Variants in BANF2 observed in about 807,000 individuals in gnomAD.
BANF2 encodes BANF family member 2, also known as barrier-to-autointegration factor-like protein.
Under a neutral mutation model 8.0 loss-of-function variants are expected in BANF2, and 4 were observed. The observed-to-expected ratio is 0.50, with a 90% CI of 0.25 to 1.14. The LOEUF (loss-of-function observed/expected upper bound fraction) is 1.14. Ranked by LOEUF, BANF2 falls within the 50% of genes most tolerant of loss-of-function variation. The pLI, the probability that BANF2 is intolerant of heterozygous loss-of-function variation, is 0.16. For missense variants in BANF2, 96 were observed against 107.5 expected (o/e 0.89, Z 0.47); for synonymous variants, 50 against 40.6 (o/e 1.23, Z -0.88).
At chr20:17,722,918 T>C in intron 2 of BANF2, 40 bp downstream of exon 2, 3 of 963,244 alleles carry the variant, frequency 3.1e-6, no homozygotes, top group Non-Finnish European at 3.7e-6. Flanking sequence ...GATGGGGCTG[T>C]GAAAGGGAGG....
At chr20:17,721,805 T>A (rs1031598178) in intron 1 of BANF2, among the ~76,000 whole-genome samples, 1 of 152,264 alleles carries the variant, frequency 6.6e-6, no homozygotes, top group Non-Finnish European at 1.5e-5. Context: ...TTTCTTGTTA[T>A]ATGAGATTAG....
At chr20:17,732,355 T>G (rs1010774387) in intron 3 of BANF2, among the ~76,000 whole-genome samples, 20 of 152,190 alleles carry the variant, frequency 1.3e-4, no homozygotes, top group African/African-American at 4.8e-4. Flanking sequence ...ATTCTGCCCT[T>G]GAGCCCCCAT....
chr20:17,707,465 G>A (rs1479993823), intron 1 of BANF2, among the ~76,000 whole-genome samples: 16 of 152,080 alleles, frequency 1.1e-4, no homozygotes, highest in Admixed American at 1.0e-3. Flanking sequence ...TGGAAGTACA[G>A]CAGAGGCAAG....
intron 3 of BANF2, among the ~76,000 whole-genome samples, chr20:17,735,217 A>C (rs1220365215): frequency 1.3e-5 from 2 of 152,202 alleles, no homozygotes; most frequent in African/African-American, 4.8e-5. Context: ...GTGTGTTTCC[A>C]AGAGAAATGC....
intron 3 of BANF2, among the ~76,000 whole-genome samples, chr20:17,730,419 T>C (rs1284948200): frequency 1.3e-5 from 2 of 152,154 alleles, no homozygotes; most frequent in Admixed American, 1.3e-4. Flanking sequence ...CTTACCTCCT[T>C]ACCGGCGAGG....
chr20:17,728,806 G>C (rs1311606416), intron 3 of BANF2, among the ~76,000 whole-genome samples: 1 of 152,044 alleles, frequency 6.6e-6, no homozygotes, highest in Admixed American at 6.6e-5. Flanking sequence ...GTGGCCTGAG[G>C]ATCTAGATCC....
At chr20:17,734,381 G>A (rs979400697) in intron 3 of BANF2, among the ~76,000 whole-genome samples, 5 of 152,118 alleles carry the variant, frequency 3.3e-5, no homozygotes, top group Non-Finnish European at 5.9e-5. Flanking sequence ...GTATGAGAGA[G>A]GAATTTACAT....
At chr20:17,700,078 A>T (rs41276402) in intron 1 of BANF2, 23 bp downstream of exon 1, 101 of 905,280 alleles carry the variant, frequency 1.1e-4, no homozygotes, top group Non-Finnish European at 1.3e-4. Context: ...AACTTTCCCA[A>T]GCAGCATGGA....
intron 3 of BANF2, among the ~76,000 whole-genome samples, chr20:17,728,955 G>T (rs992966328): frequency 3.3e-5 from 5 of 152,142 alleles, no homozygotes; most frequent in Non-Finnish European, 7.4e-5. Flanking sequence ...TTGATTACAC[G>T]TTGAAATGAT....
chr20:17,696,788 T>C (rs564602720), upstream of BANF2, among the ~76,000 whole-genome samples: 1 of 152,284 alleles, frequency 6.6e-6, no homozygotes, highest in African/African-American at 2.4e-5. Flanking sequence ...TTTGTGTGAA[T>C]GATCAGCCAA....
chr20:17,727,711 T>C (rs571523385), intron 3 of BANF2, among the ~76,000 whole-genome samples: 1 of 152,086 alleles, frequency 6.6e-6, no homozygotes, highest in Non-Finnish European at 1.5e-5. Context: ...CCAATAAAGA[T>C]GCTGACTCTT....
upstream of BANF2, among the ~76,000 whole-genome samples, chr20:17,696,559 C>T (rs2037347503): frequency 1.3e-5 from 2 of 152,224 alleles, no homozygotes; most frequent in Middle Eastern, 6.8e-3. Context: ...CTAATAATGT[C>T]GAACATTTTT....
At chr20:17,700,998 C>G (rs2037400434) in intron 1 of BANF2, among the ~76,000 whole-genome samples, 1 of 152,156 alleles carries the variant, frequency 6.6e-6, no homozygotes, top group African/African-American at 2.4e-5. Context: ...AGGCTCCTGG[C>G]TCTCCTTGAC....
In BANF2 at chr20:17,726,530, T is replaced by G. The variant is rs547363418; in HGVS notation, c.126+1379T>G. ...AAAAAGAAATCATTCTTCTTTTTAC[T>G]TTCCTATTGTGATGTAACATACCGA... On this transcript the variant is annotated intron_variant, in intron 3 of 3. Transcript: ENST00000246090. Among the ~76,000 whole-genome samples the G allele has an allele frequency of 3.9e-5, 6 of 152,340 alleles. No individual in the cohort carries two copies. The East Asian group carries it at 9.6e-4, about 24-fold the overall frequency.
intron 3 of BANF2, among the ~76,000 whole-genome samples, chr20:17,728,266 T>C (rs894012089): frequency 1.3e-5 from 2 of 152,192 alleles, no homozygotes; most frequent in Non-Finnish European, 2.9e-5. Context: ...CCATGGGCTC[T>C]GCTCTCTCAG....
chr20:17,715,117 A>C (rs966363586), intron 1 of BANF2, among the ~76,000 whole-genome samples: 2 of 152,234 alleles, frequency 1.3e-5, no homozygotes, highest in Admixed American at 1.3e-4. Context: ...AGCTAAGGTC[A>C]GACAAGGATC....
At chr20:17,735,062 GA>G (rs1268914869) in intron 3 of BANF2, among the ~76,000 whole-genome samples, 4 of 152,298 alleles carry the variant, frequency 2.6e-5, no homozygotes, top group East Asian at 1.9e-4. Flanking sequence ...CTGGGCGACA[GA>G]GCAAGATTCT....
rs531957356 is a variant in BANF2 at position 17,731,936 on chromosome 20, C to T, written c.127-3729C>T. ...AAAAAATTATCCAAGCGTGGTGGCA[C>T]GCACCCGTAGTCCCACCTACTCGGG... is the stretch of plus-strand genomic sequence containing the variant. On this transcript the variant is annotated intron_variant, in intron 3 of 3. Transcript: ENST00000246090. Among the ~76,000 whole-genome samples the T allele has an allele frequency of 4.0e-5, 6 of 151,568 alleles. No individual in the cohort carries two copies. The South Asian group carries it at 6.3e-4, about 16-fold the overall frequency.
upstream of BANF2, among the ~76,000 whole-genome samples, chr20:17,698,086 A>C (rs567537737): frequency 3.9e-5 from 6 of 152,202 alleles, no homozygotes; most frequent in South Asian, 1.2e-3. Flanking sequence ...GGGTGCCTGT[A>C]AATCCCAGTT....
Sources: allele counts gnomAD v4.1 joint callset (sites outside exome capture counted in the v4.1 genomes callset), GRCh38; gene constraint gnomAD v4.1.1; transcripts MANE v1.5; gene names NCBI Gene and HGNC (gene_info 2026-07-23, HGNC 2026-07-21).